The following GFRA3 variants were observed in gnomAD, a reference collection of about 807,000 sequenced individuals.
GFRA3 encodes GDNF family receptor alpha-3.
Under a neutral mutation model 40.0 loss-of-function variants are expected in GFRA3, and 24 were observed. That is an observed-to-expected ratio of 0.60 (90% CI 0.43 to 0.84). GFRA3 has a LOEUF of 0.84. Ranked by LOEUF, GFRA3 falls within the 40% of genes least tolerant of loss-of-function variation. GFRA3 has a pLI of 0.00. For missense variants in GFRA3, 405 were observed against 530.6 expected (o/e 0.76, Z 2.33); for synonymous variants, 203 against 213.5 (o/e 0.95, Z 0.43).
At chr5:138,265,321 A>C (rs867716596) in intron 1 of GFRA3, among the ~76,000 whole-genome samples, 30 of 141,462 alleles carry the variant, frequency 2.1e-4, no homozygotes, top group African/African-American at 5.6e-4. Flanking sequence ...GGTTCAAGCG[A>C]TTCTCCTGCC....
intron 1 of GFRA3, among the ~76,000 whole-genome samples, chr5:138,271,635 A>G (rs1285007193): frequency 6.7e-6 from 1 of 149,318 alleles, no homozygotes; most frequent in East Asian, 1.9e-4. Context: ...CAGTGGTACA[A>G]TCGCCACTCA....
In GFRA3 at chr5:138,264,262, A is replaced by G; in HGVS notation, c.378T>C (p.Leu126=). The change falls in exon 2 of 8, where the codon CTT becomes CTC. Residue 126 remains leucine (L), a splice_region_variant and synonymous_variant. Transcript: ENST00000274721. ...IYWTVHRARS[L]GNYELDVSPY... ...TCCACTCTATAATGGGAGCCTCACCAAGGCTGCGGGCACGGTGAACGGTCC... is the reference window on the plus strand; with the variant it reads ...TCCACTCTATAATGGGAGCCTCACCGAGGCTGCGGGCACGGTGAACGGTCC... 1 of 1,591,228 alleles carries G rather than the reference A, an allele frequency of 6.3e-7. No individual in the cohort carries two copies. The highest frequency in any genetic ancestry group is 8.6e-7 in the Non-Finnish European group (1 of 1,162,892).
In GFRA3 at chr5:138,259,545, T is replaced by C. The variant is rs1285223892; in HGVS notation, c.472+12A>G. 1.6e-6 allele frequency: 2 copies of C among 1,281,626 alleles called. No individual in the cohort carries two copies. Among genetic ancestry groups the C allele is most frequent in the Middle Eastern group, 1.8e-4 (1 of 5,430 alleles). The allele number at this position is 1,281,626 out of a possible 1,614,324, so 79.4% of individuals were successfully genotyped here. On this transcript the variant is annotated intron_variant, in intron 3 of 7. Coordinates refer to ENST00000274721, the MANE Select transcript of GFRA3 (RefSeq NM_001496.4). ...CCAGCCTCTGGTTCCCGAGCCTAGT[T>C]GCCCTCCACACCTGGTTTGAGCATG...
chr5:138,257,395 G>T (rs1040153573), intron 4 of GFRA3, among the ~76,000 whole-genome samples: 4 of 152,296 alleles, frequency 2.6e-5, no homozygotes, highest in African/African-American at 7.2e-5. Context: ...TCAGGTGATA[G>T]AATTTTTAAT....
At chr5:138,261,855 CTGTT>C (rs1278874324) in intron 2 of GFRA3, among the ~76,000 whole-genome samples, 2 of 152,070 alleles carry the variant, frequency 1.3e-5, no homozygotes, top group African/African-American at 2.4e-5. Flanking sequence ...GGCTATCACA[CTGTT>C]TGTGGATATC....
intron 1 of GFRA3, among the ~76,000 whole-genome samples, chr5:138,266,374 C>A (rs1453768737): frequency 6.6e-6 from 1 of 152,146 alleles, no homozygotes; most frequent in East Asian, 1.9e-4. Flanking sequence ...TCCTTGTGAG[C>A]ATGAAGTGGT....
intron 2 of GFRA3, among the ~76,000 whole-genome samples, chr5:138,262,711 C>T (rs1247529266): frequency 6.6e-6 from 1 of 152,078 alleles, no homozygotes; most frequent in Admixed American, 6.6e-5. Context: ...GCCTTGGCCT[C>T]CCAAGTTGCT....
rs1432260614 is a variant in GFRA3 at position 138,264,155 on chromosome 5, T to C, written c.379+106A>G. 3.4e-6 allele frequency: 3 copies of C among 882,166 alleles called. No homozygotes were observed. The East Asian group carries it at 7.4e-5, about 22-fold the overall frequency. 54.6% of individuals were successfully genotyped at this position (882,166 alleles called of 1,614,324 possible). A position where few individuals can be genotyped will look rare whatever the true frequency, so the allele number is the denominator to read the frequency against. On this transcript the variant is annotated intron_variant, in intron 2 of 7. Coordinates refer to ENST00000274721, the MANE Select transcript of GFRA3 (RefSeq NM_001496.4). ...TGATGTCAAATGCAGAGCTTCATTA[T>C]CCTCCTCCTCAGATTCTACCATGTG...
intron 4 of GFRA3, among the ~76,000 whole-genome samples, chr5:138,255,588 TAGTGCAC>T: frequency 6.6e-6 from 1 of 152,246 alleles, no homozygotes; most frequent in African/African-American, 2.4e-5. Context: ...ATAACTACAT[TAGTGCAC>T]AAAGATTAAA....
chr5:138,271,892 GTTTTTTTTTT>G (rs772736464), intron 1 of GFRA3, among the ~76,000 whole-genome samples: 9 of 59,684 alleles, frequency 1.5e-4, no homozygotes, highest in Admixed American at 3.8e-4. Flanking sequence ...TTTCTTTTCT[GTTTTTTTTTT>G]TTTTTTTTTT....
intron 5 of GFRA3, 70 bp from the exon 6 acceptor site, chr5:138,253,970 T>C: frequency 6.3e-7 from 1 of 1,582,080 alleles, no homozygotes; most frequent in Non-Finnish European, 8.7e-7. Flanking sequence ...CTTCCACCCA[T>C]GTCAGGATCA....
At chr5:138,253,191 G>A in intron 7 of GFRA3, 96 bp downstream of exon 7, 1 of 893,826 alleles carries the variant, frequency 1.1e-6, no homozygotes, top group Non-Finnish European at 1.8e-6. Flanking sequence ...GCAATGAGGA[G>A]GTCAGCCCCT....
Position 138,253,029 on chromosome 5 carries a change from G to T in GFRA3, c.1142C>A (p.Pro381His). The change falls in exon 8 of 8, where the codon CCC (proline) becomes CAC (histidine). Residue 381 changes from proline (P) to histidine (H), a missense_variant. By Grantham distance (77) the Pro-to-His change is moderately conservative. Coordinates refer to ENST00000274721, the MANE Select transcript of GFRA3 (RefSeq NM_001496.4). ...GCAGGAGAAAAGAGAGGGCACCCAG[G>T]GCTGTGGCCTCACAGCAGGGTTTTC... ...QNENPAVRPQ[P>H]WVPSLFSCTL... 2.5e-6 allele frequency: 4 copies of T among 1,604,944 alleles called. No homozygotes were observed. Among genetic ancestry groups the T allele is most frequent in the Non-Finnish European group, 3.4e-6 (4 of 1,171,992 alleles).
chr5:138,258,006 C>T (rs1755658172), intron 3 of GFRA3, 55 bp from the exon 4 acceptor site: 1 of 1,408,136 alleles, frequency 7.1e-7, no homozygotes, highest in Admixed American at 1.7e-5. Context: ...GCCTGCACCC[C>T]AGGTTCCACA....
At chr5:138,266,191 G>T (rs1755780037) in intron 1 of GFRA3, among the ~76,000 whole-genome samples, 2 of 152,100 alleles carry the variant, frequency 1.3e-5, no homozygotes, top group Non-Finnish European at 1.5e-5. Context: ...ACATACCTAG[G>T]GATGGAATTG....
intron 1 of GFRA3, chr5:138,267,885 G>A (rs1755809687): frequency 6.6e-6 from 1 of 152,174 alleles, no homozygotes; most frequent in Non-Finnish European, 1.5e-5. Flanking sequence ...ACATAAAGTG[G>A]GGAAAGAACA....
chr5:138,263,130 T>C (rs1006494991), intron 2 of GFRA3, among the ~76,000 whole-genome samples: 5 of 152,020 alleles, frequency 3.3e-5, no homozygotes, highest in Admixed American at 1.3e-4. Flanking sequence ...CATGCCCAGC[T>C]AATTTTTTGT....
At chr5:138,271,367 C>T (rs1755866696) in intron 1 of GFRA3, among the ~76,000 whole-genome samples, 1 of 152,122 alleles carries the variant, frequency 6.6e-6, no homozygotes, top group African/African-American at 2.4e-5. Context: ...TGACACTTTA[C>T]CAAGTTTGAG....
chr5:138,269,640 G>A (rs1227631146), intron 1 of GFRA3, among the ~76,000 whole-genome samples: 2 of 151,226 alleles, frequency 1.3e-5, no homozygotes, highest in South Asian at 2.1e-4. Context: ...TCAAGAGATT[G>A]AGACCATCCT....
Sources: gnomAD v4.1 joint callset for allele counts (sites outside exome capture counted in the v4.1 genomes callset) on GRCh38, gnomAD v4.1.1 for gene constraint, MANE v1.5 for transcripts, NCBI Gene and HGNC (gene_info 2026-07-23, HGNC 2026-07-21) for gene names.